OIT3: variants seen among roughly 807,000 people sequenced by gnomAD.
The protein encoded by OIT3 is oncoprotein-induced transcript 3 protein.
A neutral mutation model predicts 52.2 loss-of-function variants in OIT3; 41 were observed. That is an observed-to-expected ratio of 0.79 (90% CI 0.61 to 1.02). The LOEUF (loss-of-function observed/expected upper bound fraction) is 1.02. Ranked by LOEUF, OIT3 falls within the 50% of genes least tolerant of loss-of-function variation. The pLI, the probability that OIT3 is intolerant of heterozygous loss-of-function variation, is 0.00. For synonymous variants in OIT3, 244 were observed against 276.9 expected (o/e 0.88, Z 1.18); for missense variants, 634 against 715.5 (o/e 0.89, Z 1.30).
At chr10:72,909,597 T>A (rs1406458789) in intron 4 of OIT3, among the ~76,000 whole-genome samples, 5 of 152,056 alleles carry the variant, frequency 3.3e-5, no homozygotes, top group Admixed American at 1.3e-4. Flanking sequence ...TTGTATTTAT[T>A]ATTATTAATT....
At chr10:72,908,919 T>TA (rs59056530) in intron 4 of OIT3, among the ~76,000 whole-genome samples, 41 of 151,220 alleles carry the variant, frequency 2.7e-4, no homozygotes, top group South Asian at 6.3e-4. Context: ...TCTTTTTTTT[T>TA]AAAAAAAAGG....
chr10:72,929,191 C>A (rs531080465), intron 7 of OIT3, among the ~76,000 whole-genome samples: 2 of 151,924 alleles, frequency 1.3e-5, no homozygotes, highest in South Asian at 2.1e-4. Context: ...AACAGTGAGA[C>A]CCTGTCTCAA....
intron 4 of OIT3, among the ~76,000 whole-genome samples, chr10:72,910,845 C>CT (rs1328155381): frequency 6.6e-6 from 1 of 152,164 alleles, no homozygotes; most frequent in Non-Finnish European, 1.5e-5. Context: ...CAACTCTGTT[C>CT]TTGTAGTGAG....
intron 1 of OIT3, 58 bp from the exon 2 acceptor site, chr10:72,898,606 T>C: frequency 6.7e-7 from 1 of 1,493,744 alleles, no homozygotes. Flanking sequence ...GGACTTGGGC[T>C]GTTGGTGGTG....
intron 4 of OIT3, among the ~76,000 whole-genome samples, chr10:72,908,309 G>C (rs1845998447): frequency 6.6e-6 from 1 of 152,056 alleles, no homozygotes; most frequent in South Asian, 2.1e-4. Context: ...AGATTATATG[G>C]AGAGATAAAT....
intron 6 of OIT3, among the ~76,000 whole-genome samples, chr10:72,914,234 A>G (rs1415415136): frequency 6.6e-6 from 1 of 152,120 alleles, no homozygotes; most frequent in Non-Finnish European, 1.5e-5. Context: ...CCGGAAAAGT[A>G]GGTGGGGTGG....
chr10:72,911,815 T>TA lies in OIT3; in HGVS notation c.766_767insA (p.Ser256TyrfsTer2). The TA allele has an allele frequency of 1.2e-6, 2 of 1,613,686 alleles. No individual in the cohort carries two copies. The highest frequency in any genetic ancestry group is 1.7e-6 in the Non-Finnish European group (2 of 1,179,736). The stretch of plus-strand genomic sequence containing the variant: ...TGAATGTCCCCGGGGCCTGGTGCTG[T>TA]CTGAGGATAACCACACTTGCCAAGG... On this transcript the variant is annotated frameshift_variant, in exon 5 of 9. Coordinates refer to ENST00000334011, the MANE Select transcript of OIT3 (RefSeq NM_152635.3). LOFTEE classifies it high-confidence loss of function.
At chr10:72,930,679 CTTTTTTTT>C in intron 8 of OIT3, 42 bp downstream of exon 8, 2 of 756,756 alleles carry the variant, frequency 2.6e-6, no homozygotes. Context: ...GAACCTGAGC[CTTTTTTTT>C]TTTTTTTTTG....
rs78231986 is a variant in OIT3 at position 72,897,996 on chromosome 10, G to A, written c.62-668G>A. 5.2e-3 allele frequency among the ~76,000 whole-genome samples: 797 copies of A among 151,914 alleles called. 4 individuals carry two copies. The highest frequency in any genetic ancestry group is 0.026 in the East Asian group (135 of 5,168). On this transcript the variant is annotated intron_variant, in intron 1 of 8. Transcript: ENST00000334011. ...TTGTCAATTACTTTCATAAAATACAGTCTCCGGCCGAGCACCAGATTCATG... is the reference window on the plus strand; with the variant it reads ...TTGTCAATTACTTTCATAAAATACAATCTCCGGCCGAGCACCAGATTCATG...
intron 7 of OIT3, among the ~76,000 whole-genome samples, chr10:72,929,861 C>G (rs1457207786): frequency 9.2e-5 from 14 of 152,162 alleles, no homozygotes; most frequent in Non-Finnish European, 1.5e-5. Context: ...TTCTTTTCCC[C>G]CAGCTAACCC....
Position 72,900,286 on chromosome 10 carries a change from C to G in OIT3, c.437-91C>G, listed in dbSNP as rs542171056. On this transcript the variant is annotated intron_variant, in intron 2 of 8. Transcript: ENST00000334011. ...AGCCTGGGCAACATAGGGATACCAC[C>G]CCCCCCGACCCCCCGCACCATCTCT... The G allele has an allele frequency of 3.1e-5, 21 of 687,172 alleles. No individual in the cohort carries two copies. The African/African-American group carries it at 3.1e-4, about 10-fold the overall frequency. 42.6% of individuals were successfully genotyped at this position (687,172 alleles called of 1,614,324 possible). A position where few individuals can be genotyped will look rare whatever the true frequency, so the allele number is the denominator to read the frequency against.
chr10:72,893,959 C>G, intron 1 of OIT3, 100 bp downstream of exon 1: 1 of 708,804 alleles, frequency 1.4e-6, no homozygotes, highest in South Asian at 2.2e-5. Context: ...ACCTTAAATG[C>G]TAGCTCTAGA....
At chr10:72,896,452 G>A (rs556033946) in intron 1 of OIT3, among the ~76,000 whole-genome samples, 53 of 152,176 alleles carry the variant, frequency 3.5e-4, no homozygotes, top group Middle Eastern at 3.2e-3. Flanking sequence ...GGGTTCAGCC[G>A]AGATACATAA....
chr10:72,913,305 C>T lies in OIT3; in HGVS notation c.791-3C>T. 6.4e-7 allele frequency: 1 copy of T among 1,574,140 alleles called. No individual in the cohort carries two copies. Among genetic ancestry groups the T allele is most frequent in the Non-Finnish European group, 8.7e-7 (1 of 1,151,808 alleles). On this transcript the variant is annotated splice_region_variant and splice_polypyrimidine_tract_variant and intron_variant, in intron 5 of 8. Coordinates refer to ENST00000334011, the MANE Select transcript of OIT3 (RefSeq NM_152635.3). The stretch of plus-strand genomic sequence containing the variant: ...CTCTAACAGTGGCCCTTTTTCTCTG[C>T]AGTCCCTGTGTTGTGCAAATCAAAT...
rs746891514 is a variant in OIT3, at chr10:72,932,477, G to T, written c.1591G>T (p.Gly531Cys). The change falls in exon 9 of 9, where the codon GGC becomes TGC. Residue 531 changes from glycine (G) to cysteine (C), a missense_variant. Coordinates refer to ENST00000334011, the MANE Select transcript of OIT3 (RefSeq NM_152635.3). ...AGGAGAGGACTCAGCCGGTCTACAG[G>T]GCCAGACGCTAACAGGCGGCCCGAT... ...AGGEDSAGLQ[G>C]QTLTGGPIRI... is the part of the protein sequence containing the mutation. The T allele has an allele frequency of 1.2e-6, 2 of 1,613,638 alleles. No individual in the cohort carries two copies. The highest frequency in any genetic ancestry group is 3.3e-5 in the Admixed American group (2 of 59,932).
At chr10:72,903,148 C>T (rs1187128199) in intron 3 of OIT3, among the ~76,000 whole-genome samples, 1 of 152,042 alleles carries the variant, frequency 6.6e-6, no homozygotes, top group Admixed American at 6.6e-5. Context: ...TTTGTTCAGG[C>T]AGCATACAAG....
chr10:72,908,927 A>T (rs1163766274), intron 4 of OIT3, among the ~76,000 whole-genome samples: 1 of 151,312 alleles, frequency 6.6e-6, no homozygotes, highest in African/African-American at 2.4e-5. Flanking sequence ...TTTAAAAAAA[A>T]GGCCCTTTTT....
In OIT3 at chr10:72,930,594, A is replaced by C; in HGVS notation, c.1424A>C (p.His475Pro). 3 of 1,613,552 alleles carry C rather than the reference A, an allele frequency of 1.9e-6. No homozygotes were observed. Among genetic ancestry groups the C allele is most frequent in the Non-Finnish European group, 2.5e-6 (3 of 1,179,818 alleles). The change falls in exon 8 of 9, where the codon CAC (histidine) becomes CCC (proline). Residue 475 changes from histidine (H) to proline (P), a missense_variant. By Grantham distance (77) the His-to-Pro change is moderately conservative. Coordinates refer to ENST00000334011, the MANE Select transcript of OIT3 (RefSeq NM_152635.3). ...QYTSRDHLAK[H>P]FQVPVFKFVG... Reference sequence around the variant, plus strand: ...ACATCCCGGGATCACCTAGCAAAGCACTTCCAGGTCCCTGTCTTCAAGTTT... The same window carrying C: ...ACATCCCGGGATCACCTAGCAAAGCCCTTCCAGGTCCCTGTCTTCAAGTTT...
At position 72,893,853 on chromosome 10, in the gene OIT3, C is replaced by T. The variant is rs1417680601; in HGVS notation, c.55C>T (p.Pro19Ser). 8 of 1,608,732 alleles carry T rather than the reference C, an allele frequency of 5.0e-6. No homozygotes were observed. The Admixed American group carries it at 1.2e-4, about 24-fold the overall frequency. Reference sequence around the variant, plus strand: ...CTTCATCACAGGCACCTCCGTGTCACCCGTGGGTGAGTCTCATGTCAAGAA... The same window carrying T: ...CTTCATCACAGGCACCTCCGTGTCATCCGTGGGTGAGTCTCATGTCAAGAA... ...CLFITGTSVS[P>S]VALDPCSAYI... The change falls in exon 1 of 9, where the codon CCC (proline) becomes TCC (serine). Residue 19 changes from proline to serine, a missense_variant. Transcript: ENST00000334011.
Sources: gnomAD v4.1 joint callset for allele counts (sites outside exome capture counted in the v4.1 genomes callset) on GRCh38, gnomAD v4.1.1 for gene constraint, MANE v1.5 for transcripts, NCBI Gene and HGNC (gene_info 2026-07-23, HGNC 2026-07-21) for gene names.